The following GLMN variants were observed in gnomAD, a reference collection of about 807,000 sequenced individuals.
GLMN encodes glomulin.
GLMN carries 75 observed loss-of-function variants against 87.8 expected under a neutral mutation model. The observed-to-expected ratio is 0.85, with a 90% confidence interval of 0.71 to 1.04. The LOEUF (loss-of-function observed/expected upper bound fraction) is 1.04. GLMN is among the 50% of genes least tolerant of loss of function. The pLI is 0.00. For synonymous variants in GLMN, 206 were observed against 221.6 expected, an observed-to-expected ratio of 0.93 and a Z score of 0.63; for missense variants, 588 against 658.8, an observed-to-expected ratio of 0.89 and a Z score of 1.18.
chr1:92,351,989 A>G, the GLMN span, among the ~76,000 whole-genome samples: 9 of 152,286 alleles, frequency 5.9e-5, no homozygotes, highest in Admixed American at 3.3e-4. Flanking sequence ...TGGTTATCCA[A>G]TGAAGGAGAT....
chr1:92,265,555 C>T (rs1012173222), intron 13 of GLMN, among the ~76,000 whole-genome samples: 1 of 152,028 alleles, frequency 6.6e-6, no homozygotes, highest in African/African-American at 2.4e-5. Context: ...GTGGGTGAAT[C>T]GCTTGAGCCC....
the GLMN span, among the ~76,000 whole-genome samples, chr1:92,307,624 A>T: frequency 6.6e-6 from 1 of 152,338 alleles, no homozygotes; most frequent in East Asian, 1.9e-4. Context: ...CTTAGGATCC[A>T]GGTGAACTCT....
At chr1:92,353,370 G>A in the GLMN span, among the ~76,000 whole-genome samples, 2 of 152,092 alleles carry the variant, frequency 1.3e-5, no homozygotes, top group South Asian at 2.1e-4. Context: ...TTCACACCCA[G>A]TAGTCATTTT....
At chr1:92,338,942 C>T in the GLMN span, among the ~76,000 whole-genome samples, 1 of 152,028 alleles carries the variant, frequency 6.6e-6, no homozygotes, top group African/African-American at 2.4e-5. Context: ...TTGCCATTCA[C>T]CCTCCTGCAG....
chr1:92,280,100 A>G (rs574538812), intron 7 of GLMN, among the ~76,000 whole-genome samples: 22 of 152,234 alleles, frequency 1.4e-4, no homozygotes, highest in Non-Finnish European at 2.1e-4. Context: ...AGCTCTGAAG[A>G]GAGCAGTGGT....
chr1:92,323,604 A>G, the GLMN span: 1 of 1,614,030 alleles, frequency 6.2e-7, no homozygotes, highest in Non-Finnish European at 8.5e-7. Context: ...CCTCCATTCT[A>G]CCAGGAAACA....
chr1:92,261,834 C>CAGAGGGTGGAGTGATAGAT (rs1655089312), intron 16 of GLMN, among the ~76,000 whole-genome samples: 1 of 151,858 alleles, frequency 6.6e-6, no homozygotes, highest in South Asian at 2.1e-4. Context: ...GAGTGATAGA[C>CAGAGGGTGGAGTGATAGAT]AGAGGGTGGA....
At chr1:92,367,181 G>A in the GLMN span, among the ~76,000 whole-genome samples, 2 of 152,170 alleles carry the variant, frequency 1.3e-5, no homozygotes, top group South Asian at 4.1e-4. Context: ...AAAGGAAAGT[G>A]ACTGGATAGG....
chr1:92,302,589 A>ATT (rs1557586485), upstream of GLMN, among the ~76,000 whole-genome samples: 4 of 92,302 alleles, frequency 4.3e-5, no homozygotes, highest in African/African-American at 7.3e-5. Context: ...TTCCGCATTA[A>ATT]ATTTTTTTTT....
At chr1:92,277,414 G>A (rs1570927184) in intron 7 of GLMN, among the ~76,000 whole-genome samples, 1 of 152,178 alleles carries the variant, frequency 6.6e-6, no homozygotes, top group East Asian at 1.9e-4. Context: ...TAAAATCCTT[G>A]GAATCTCCAA....
At chr1:92,345,379 TAA>T in the GLMN span, among the ~76,000 whole-genome samples, 1,286 of 73,730 alleles carry the variant, frequency 0.017, 18 homozygotes, top group African/African-American at 0.057. Context: ...CCCGTTTCTT[TAA>T]AAAAAAAAAA....
chr1:92,266,844 G>T, intron 11 of GLMN, 103 bp from the exon 12 acceptor site: 1 of 738,386 alleles, frequency 1.4e-6, no homozygotes, highest in East Asian at 2.6e-5. Flanking sequence ...AGAGAAGTGA[G>T]GGTAGGAGAT....
chr1:92,305,060 G>C, the GLMN span, among the ~76,000 whole-genome samples: 2 of 151,992 alleles, frequency 1.3e-5, no homozygotes, highest in Admixed American at 6.6e-5. Flanking sequence ...GCATGAACCT[G>C]GGAGGCAGAG....
At chr1:92,284,981 T>G (rs370223123) in intron 7 of GLMN, among the ~76,000 whole-genome samples, 3 of 152,066 alleles carry the variant, frequency 2.0e-5, no homozygotes, top group African/African-American at 7.2e-5. Flanking sequence ...CTGGAGAGGA[T>G]GTGGAGAAAT....
At chr1:92,326,353 T>C in the GLMN span, among the ~76,000 whole-genome samples, 4 of 152,190 alleles carry the variant, frequency 2.6e-5, no homozygotes, top group African/African-American at 9.7e-5. Flanking sequence ...GCACCTGCTC[T>C]GGTGGAGATG....
At chr1:92,326,773 A>T in the GLMN span, among the ~76,000 whole-genome samples, 1 of 151,938 alleles carries the variant, frequency 6.6e-6, no homozygotes, top group Non-Finnish European at 1.5e-5. Context: ...CTCCCATGCA[A>T]CCCAAAAGAC....
At position 92,277,703 on chromosome 1, in the gene GLMN, G is replaced by A. The variant is rs74465337; in HGVS notation, c.736-6051C>T. Among the ~76,000 whole-genome samples, 388 of 152,038 alleles carry A rather than the reference G, an allele frequency of 2.6e-3. 3 individuals carry two copies. Among genetic ancestry groups the A allele is most frequent in the South Asian group, 9.3e-3 (45 of 4,824 alleles). On this transcript the variant is annotated intron_variant, in intron 7 of 18. Coordinates refer to ENST00000370360, the MANE Select transcript of GLMN (RefSeq NM_053274.3). ...GAAAGCTTCTGGAAGCTGAACGCACGAAGTTTCCAGTAGGGTGGTGCATCC... is the reference window on the plus strand; with the variant it reads ...GAAAGCTTCTGGAAGCTGAACGCACAAAGTTTCCAGTAGGGTGGTGCATCC...
At chr1:92,253,404 C>T (rs535852873) in intron 16 of GLMN, among the ~76,000 whole-genome samples, 15 of 152,344 alleles carry the variant, frequency 9.8e-5, no homozygotes, top group Middle Eastern at 3.4e-3. Context: ...CTCAGCACAG[C>T]GCTTGAGCTC....
chr1:92,267,789 G>A, intron 11 of GLMN, 124 bp downstream of exon 11: 1 of 704,834 alleles, frequency 1.4e-6, no homozygotes, highest in Non-Finnish European at 2.6e-6. Context: ...CTACTGGACA[G>A]CATTACACCA....
Sources: gnomAD v4.1 joint callset for allele counts (sites outside exome capture counted in the v4.1 genomes callset) on GRCh38, gnomAD v4.1.1 for gene constraint, MANE v1.5 for transcripts, NCBI Gene and HGNC (gene_info 2026-07-23, HGNC 2026-07-21) for gene names.